RGS7: variants seen among roughly 807,000 people sequenced by gnomAD.
The protein encoded by RGS7 is regulator of G-protein signaling 7.
Under a neutral mutation model 81.1 loss-of-function variants are expected in RGS7, and 27 were observed. That is an observed-to-expected ratio of 0.33 (90% CI 0.25 to 0.46). The LOEUF (loss-of-function observed/expected upper bound fraction) is 0.46. RGS7 is among the 20% of genes least tolerant of loss of function. The pLI, the probability that RGS7 is intolerant of heterozygous loss-of-function variation, is 1.00. For synonymous variants in RGS7, 208 were observed against 207.7 expected, an observed-to-expected ratio of 1.00 and a Z score of -0.01; for missense variants, 396 against 607.4, an observed-to-expected ratio of 0.65 and a Z score of 3.66.
chr1:240,943,809 C>A (rs1281757272), intron 4 of RGS7, among the ~76,000 whole-genome samples: 1 of 152,084 alleles, frequency 6.6e-6, no homozygotes, highest in Non-Finnish European at 1.5e-5. Context: ...CAATGAGAGA[C>A]CTGCCTGCTT....
Position 241,144,184 on chromosome 1 carries a change from C to T in RGS7, c.79-45422G>A, listed in dbSNP as rs1335936804. On this transcript the variant is annotated intron_variant, in intron 2 of 18. Coordinates refer to ENST00000440928, the MANE Select transcript of RGS7 (RefSeq NM_001364886.1). The surrounding 1 kb of genome is among the most constrained non-coding windows in gnomAD (Gnocchi z 4.7). ...TATATGAGCATTTTCAAACAGAGTA[C>T]TTCTGGAAGCTGAACAACAGTGTCT... Among the ~76,000 whole-genome samples the T allele has an allele frequency of 6.6e-6, 1 of 152,066 alleles. No homozygotes were observed. Among genetic ancestry groups the T allele is most frequent in the Non-Finnish European group, 1.5e-5 (1 of 68,026 alleles).
intron 18 of RGS7, among the ~76,000 whole-genome samples, chr1:240,780,376 G>A (rs533388408): frequency 4.0e-5 from 6 of 149,468 alleles, no homozygotes; most frequent in African/African-American, 1.5e-4. Flanking sequence ...GGGAGGCGGA[G>A]GTTGCAGTGA....
At chr1:241,201,012 G>T (rs1171600170) in intron 2 of RGS7, among the ~76,000 whole-genome samples, 2 of 152,136 alleles carry the variant, frequency 1.3e-5, no homozygotes, top group East Asian at 3.9e-4. Context: ...TATCAAAAGA[G>T]AAATCATCTT....
intron 2 of RGS7, among the ~76,000 whole-genome samples, chr1:241,247,917 T>C (rs910701019): frequency 1.3e-5 from 2 of 152,220 alleles, no homozygotes; most frequent in Admixed American, 6.5e-5. Context: ...AATTGGATGA[T>C]GTAAATAACT....
intron 4 of RGS7, among the ~76,000 whole-genome samples, chr1:240,976,095 C>A (rs1292091857): frequency 6.6e-6 from 1 of 152,248 alleles, no homozygotes; most frequent in East Asian, 1.9e-4. Flanking sequence ...ATTTAGCTGA[C>A]AGCTTACCAA....
intron 3 of RGS7, among the ~76,000 whole-genome samples, chr1:240,985,416 G>A (rs1685509483): frequency 6.6e-6 from 1 of 151,684 alleles, no homozygotes; most frequent in African/African-American, 2.4e-5. Context: ...AAAATATTCT[G>A]TTCTGTTACG....
At chr1:241,084,298 C>A (rs889951122) in intron 3 of RGS7, among the ~76,000 whole-genome samples, 4 of 152,174 alleles carry the variant, frequency 2.6e-5, no homozygotes, top group African/African-American at 9.7e-5. Flanking sequence ...CTTTAAAACT[C>A]ATATACTGCT....
At chr1:241,045,449 C>T (rs1053985304) in intron 3 of RGS7, among the ~76,000 whole-genome samples, 5 of 152,086 alleles carry the variant, frequency 3.3e-5, no homozygotes, top group Admixed American at 6.5e-5. Context: ...CTGCAACCTC[C>T]GCCTCCCAGA....
chr1:240,970,649 G>C (rs1383995367), intron 4 of RGS7, among the ~76,000 whole-genome samples: 1 of 152,144 alleles, frequency 6.6e-6, no homozygotes, highest in Non-Finnish European at 1.5e-5. Flanking sequence ...GCATTCCCAA[G>C]AGGCAAGAGG....
chr1:240,879,149 C>A (rs1665975506), intron 6 of RGS7, among the ~76,000 whole-genome samples: 1 of 152,152 alleles, frequency 6.6e-6, no homozygotes, highest in Non-Finnish European at 1.5e-5. Context: ...TAAAGTCTAA[C>A]CCTTTCAGTA....
At chr1:240,783,461 TAA>T (rs904357004) in intron 18 of RGS7, among the ~76,000 whole-genome samples, 37 of 132,610 alleles carry the variant, frequency 2.8e-4, no homozygotes, top group Admixed American at 2.3e-4. Context: ...ATCTCTACTT[TAA>T]AAAAAAAAAA....
At chr1:241,240,125 A>T (rs2076192662) in intron 2 of RGS7, among the ~76,000 whole-genome samples, 1 of 152,204 alleles carries the variant, frequency 6.6e-6, no homozygotes, top group African/African-American at 2.4e-5. Context: ...AGGTGAAATG[A>T]CTTACTCAGT....
chr1:240,822,894 C>T (rs1692054112), intron 10 of RGS7: 1 of 363,496 alleles, frequency 2.8e-6, no homozygotes, highest in Non-Finnish European at 5.2e-6. Context: ...TAAAATATAA[C>T]CAAGATGAGG....
intron 6 of RGS7, among the ~76,000 whole-genome samples, chr1:240,901,996 T>C (rs931437085): frequency 1.3e-5 from 2 of 152,216 alleles, no homozygotes; most frequent in African/African-American, 4.8e-5. Flanking sequence ...CAACCCTTTA[T>C]GTTAAGGGTC....
intron 3 of RGS7, among the ~76,000 whole-genome samples, chr1:240,991,079 G>C (rs1686391304): frequency 6.6e-6 from 1 of 152,150 alleles, no homozygotes; most frequent in Non-Finnish European, 1.5e-5. Context: ...ACTGTGTTCT[G>C]AGGATAGGAA....
chr1:241,232,386 T>C (rs1177816702), intron 2 of RGS7, among the ~76,000 whole-genome samples: 1 of 152,010 alleles, frequency 6.6e-6, no homozygotes, highest in Non-Finnish European at 1.5e-5. Flanking sequence ...ATATTTTTTT[T>C]TGGAGAGAAG....
At chr1:240,969,496 T>A (rs1217415182) in intron 4 of RGS7, among the ~76,000 whole-genome samples, 2 of 152,228 alleles carry the variant, frequency 1.3e-5, no homozygotes, top group South Asian at 4.1e-4. Context: ...CAAATGTCCA[T>A]TGAACCCTGG....
chr1:240,777,717 A>C (rs1683214803), intron 18 of RGS7, among the ~76,000 whole-genome samples: 1 of 152,212 alleles, frequency 6.6e-6, no homozygotes, highest in Non-Finnish European at 1.5e-5. Flanking sequence ...TCAATGGTGC[A>C]TTCTCGTTGT....
At chr1:241,152,771 A>G (rs549280883) in intron 2 of RGS7, among the ~76,000 whole-genome samples, 8 of 152,318 alleles carry the variant, frequency 5.3e-5, no homozygotes, top group South Asian at 2.1e-4. Context: ...TTCTCCTCCC[A>G]TGGTGGCCAG....
Sources: allele counts gnomAD v4.1 joint callset (sites outside exome capture counted in the v4.1 genomes callset), GRCh38; gene constraint gnomAD v4.1.1; non-coding constraint Gnocchi (gnomAD v3.1); transcripts MANE v1.5; gene names NCBI Gene and HGNC (gene_info 2026-07-23, HGNC 2026-07-21).